Variants in CA1 observed in about 807,000 individuals in gnomAD.
CA1 encodes carbonate dehydratase I.
CA1 carries 27 observed loss-of-function variants against 28.8 expected under a neutral mutation model. The ratio of observed to expected loss-of-function variants is 0.94; its 90% CI spans 0.69 to 1.29. The LOEUF (loss-of-function observed/expected upper bound fraction) is 1.29. Among genes scored for constraint, CA1 ranks in the 50% most tolerant of loss-of-function variants. CA1 has a pLI of 0.00. For missense variants in CA1, 335 were observed against 310.5 expected (o/e 1.08, Z -0.59); for synonymous variants, 121 against 108.8 (o/e 1.11, Z -0.70).
rs927925772 is a variant in CA1, at chr8:85,327,752, C to T, written c.*808G>A. ...TAAAAATAGCATAAGGTGAAGCGCA[C>T]ATCTGACTAAAAGATTGCATGATGT... On this transcript the variant is annotated 3_prime_UTR_variant, in exon 8 of 8. Coordinates refer to ENST00000523022, the MANE Select transcript of CA1 (RefSeq NM_001128831.4). 2 of 152,166 alleles carry T rather than the reference C, an allele frequency of 1.3e-5. No homozygotes were observed. The highest frequency in any genetic ancestry group is 6.6e-5 in the Admixed American group (1 of 15,256). The allele number at this position is 152,166 out of a possible 1,614,324, so 9.4% of individuals were successfully genotyped here.
At chr8:85,362,917 G>A (rs992412845) in intron 1 of CA1, among the ~76,000 whole-genome samples, 4 of 152,162 alleles carry the variant, frequency 2.6e-5, no homozygotes, top group South Asian at 2.1e-4. Context: ...CTAAAGATGT[G>A]TAGTTTGGCA....
intron 1 of CA1, among the ~76,000 whole-genome samples, chr8:85,374,904 A>G (rs1182936254): frequency 6.6e-6 from 1 of 152,130 alleles, no homozygotes; most frequent in African/African-American, 2.4e-5. Flanking sequence ...AATTATTCTC[A>G]ACTCAACTTT....
At chr8:85,346,142 G>A (rs981789321) in intron 1 of CA1, among the ~76,000 whole-genome samples, 6 of 151,942 alleles carry the variant, frequency 3.9e-5, no homozygotes, top group African/African-American at 1.5e-4. Flanking sequence ...TACAATTTCA[G>A]GCTTTTGAAA....
At chr8:85,337,309 T>C in intron 3 of CA1, 1 of 483,944 alleles carries the variant, frequency 2.1e-6, no homozygotes, top group Non-Finnish European at 3.8e-6. Flanking sequence ...CGAGCTACAA[T>C]TTTACCTATT....
chr8:85,361,257 T>A (rs955717959), intron 1 of CA1, among the ~76,000 whole-genome samples: 1 of 152,190 alleles, frequency 6.6e-6, no homozygotes, highest in Non-Finnish European at 1.5e-5. Context: ...TTGTCCAGTT[T>A]AGGGATTTAG....
At chr8:85,373,646 A>G (rs1396917661) in intron 1 of CA1, among the ~76,000 whole-genome samples, 1 of 152,202 alleles carries the variant, frequency 6.6e-6, no homozygotes, top group East Asian at 1.9e-4. Flanking sequence ...AAGGAAAAAA[A>G]CATAGTGTTT....
intron 1 of CA1, among the ~76,000 whole-genome samples, chr8:85,358,721 G>A (rs920462212): frequency 2.8e-4 from 42 of 152,168 alleles, no homozygotes; most frequent in Admixed American, 7.9e-4. Context: ...GGACATCAGC[G>A]AACAACACGA....
chr8:85,338,622 C>CCTTCTT (rs1808764272), intron 2 of CA1, among the ~76,000 whole-genome samples, 173 bp from the exon 3 acceptor site: 1 of 143,404 alleles, frequency 7.0e-6, no homozygotes, highest in African/African-American at 2.6e-5. Flanking sequence ...TTCTTTCTTT[C>CCTTCTT]TTTCCTTCTT....
intron 1 of CA1, among the ~76,000 whole-genome samples, chr8:85,344,213 AATTATAT>A (rs1809053785): frequency 9.1e-6 from 1 of 109,814 alleles, no homozygotes; most frequent in Non-Finnish European, 1.7e-5. Context: ...TATATAATAT[AATTATAT>A]TATATACAGT....
intron 1 of CA1, among the ~76,000 whole-genome samples, chr8:85,354,321 A>G (rs994566201): frequency 6.6e-6 from 1 of 150,826 alleles, no homozygotes; most frequent in African/African-American, 2.4e-5. Flanking sequence ...AAGGAAAAAC[A>G]TATCTAGAGA....
chr8:85,332,153 T>TA (rs1443924585), intron 6 of CA1, among the ~76,000 whole-genome samples: 1 of 152,176 alleles, frequency 6.6e-6, no homozygotes, highest in African/African-American at 2.4e-5. Flanking sequence ...TTTCTACTGC[T>TA]AAAAAACTAG....
At chr8:85,364,651 G>A (rs1257405369) in intron 1 of CA1, among the ~76,000 whole-genome samples, 1 of 152,122 alleles carries the variant, frequency 6.6e-6, no homozygotes, top group East Asian at 1.9e-4. Context: ...CAGCTACACT[G>A]CTATAATACA....
chr8:85,333,322 C>T (rs1314786093), intron 5 of CA1, among the ~76,000 whole-genome samples: 1 of 152,150 alleles, frequency 6.6e-6, no homozygotes. Flanking sequence ...CCACCTGAAA[C>T]TCATTTCTCT....
At chr8:85,355,549 C>CTTTTTTTTT (rs11353842) in intron 1 of CA1, among the ~76,000 whole-genome samples, 39 of 108,682 alleles carry the variant, frequency 3.6e-4, no homozygotes, top group Admixed American at 5.7e-4. Context: ...TGTCTAGTTC[C>CTTTTTTTTT]TTTTTTTTTT....
chr8:85,371,902 A>G (rs899307969), intron 1 of CA1, among the ~76,000 whole-genome samples: 1 of 152,176 alleles, frequency 6.6e-6, no homozygotes, highest in African/African-American at 2.4e-5. Context: ...TTTTAAGCTC[A>G]ACCATCAAAC....
chr8:85,373,922 C>T (rs1231346796), intron 1 of CA1, among the ~76,000 whole-genome samples: 4 of 151,952 alleles, frequency 2.6e-5, no homozygotes, highest in African/African-American at 9.7e-5. Flanking sequence ...TGCCAGAGCT[C>T]GGGGGAGGAA....
intron 1 of CA1, among the ~76,000 whole-genome samples, chr8:85,344,433 ATT>A (rs1393362121): frequency 2.0e-5 from 3 of 149,054 alleles, no homozygotes; most frequent in Non-Finnish European, 4.4e-5. Flanking sequence ...GGTACTAAAT[ATT>A]TTTTAGTACC....
chr8:85,335,971 A>T (rs1229357303), intron 4 of CA1, among the ~76,000 whole-genome samples: 3 of 152,182 alleles, frequency 2.0e-5, no homozygotes, highest in Admixed American at 1.3e-4. Context: ...GTACATAATT[A>T]CTTTCACTAG....
At chr8:85,333,781 G>A (rs541836980) in intron 4 of CA1, among the ~76,000 whole-genome samples, 161 bp from the exon 5 acceptor site, 21 of 152,266 alleles carry the variant, frequency 1.4e-4, no homozygotes, top group African/African-American at 5.1e-4. Context: ...ATTCTCACTC[G>A]TAGGAAGGGT....
Sources: allele counts gnomAD v4.1 joint callset (sites outside exome capture counted in the v4.1 genomes callset), GRCh38; gene constraint gnomAD v4.1.1; transcripts MANE v1.5; gene names NCBI Gene and HGNC (gene_info 2026-07-23, HGNC 2026-07-21).